The following NAALADL2 variants were observed in gnomAD, a reference collection of about 807,000 sequenced individuals.
NAALADL2 encodes N-acetylated alpha-linked acidic dipeptidase like 2, also known as inactive N-acetylated-alpha-linked acidic dipeptidase-like protein 2.
A neutral mutation model predicts 87.2 loss-of-function variants in NAALADL2; 76 were observed. The ratio of observed to expected loss-of-function variants is 0.87; its 90% CI spans 0.72 to 1.05. NAALADL2 has a LOEUF of 1.05. NAALADL2 is among the 50% of genes least tolerant of loss of function. NAALADL2 has a pLI of 0.00. For synonymous variants in NAALADL2, 354 were observed against 331.0 expected (o/e 1.07, Z -0.75); for missense variants, 1,089 against 945.8 (o/e 1.15, Z -1.99).
At chr3:175,171,841 G>A (rs1734882379) in intron 2 of NAALADL2, among the ~76,000 whole-genome samples, 1 of 152,014 alleles carries the variant, frequency 6.6e-6, no homozygotes, top group South Asian at 2.1e-4. Flanking sequence ...ACTCATATGT[G>A]GAGAGTTTAA....
intron 9 of NAALADL2, among the ~76,000 whole-genome samples, chr3:175,474,402 C>T (rs1725343843): frequency 6.6e-6 from 1 of 152,028 alleles, no homozygotes; most frequent in Admixed American, 6.6e-5. Flanking sequence ...AATGGATGTC[C>T]TAAATCAAAC....
chr3:175,757,203 C>A (rs994137677), intron 13 of NAALADL2, among the ~76,000 whole-genome samples: 4 of 151,810 alleles, frequency 2.6e-5, no homozygotes, highest in Admixed American at 1.3e-4. Flanking sequence ...TATGTATAAA[C>A]AAAGGTTATA....
chr3:175,659,909 G>A (rs1732016378), intron 11 of NAALADL2, among the ~76,000 whole-genome samples: 1 of 152,146 alleles, frequency 6.6e-6, no homozygotes, highest in Admixed American at 6.5e-5. Context: ...GCCTCAGTCT[G>A]TTCAGGCTGC....
intron 6 of NAALADL2, among the ~76,000 whole-genome samples, chr3:175,452,834 GGA>G (rs1435686096): frequency 6.6e-6 from 1 of 152,134 alleles, no homozygotes; most frequent in East Asian, 1.9e-4. Flanking sequence ...GATCTTAAAT[GGA>G]GTGAGCGTAG....
chr3:174,759,285 T>C (rs1284070703), intron 3 of NAALADL2, among the ~76,000 whole-genome samples: 2 of 152,188 alleles, frequency 1.3e-5, no homozygotes, highest in Non-Finnish European at 2.9e-5. Context: ...TGCTTTTAGA[T>C]AGGAATAAAA....
intron 11 of NAALADL2, among the ~76,000 whole-genome samples, chr3:175,670,172 A>G (rs1345048896): frequency 2.0e-5 from 3 of 151,860 alleles, no homozygotes; most frequent in African/African-American, 7.2e-5. Flanking sequence ...AAGGCAATAG[A>G]CCAGAAAGTA....
At chr3:175,075,420 G>T (rs116459834) in intron 1 of NAALADL2, among the ~76,000 whole-genome samples, 196 of 152,288 alleles carry the variant, frequency 1.3e-3, no homozygotes, top group African/African-American at 4.6e-3. Context: ...TTTACATTCA[G>T]AGGATGACTC....
At chr3:174,451,678 T>G (rs1715489651) in intron 1 of NAALADL2, among the ~76,000 whole-genome samples, 2 of 152,194 alleles carry the variant, frequency 1.3e-5, no homozygotes, top group Admixed American at 6.5e-5. Context: ...TCATGTGCCT[T>G]CTTTTCGGTT....
intron 1 of NAALADL2, among the ~76,000 whole-genome samples, chr3:175,085,810 C>T (rs572964275): frequency 5.3e-5 from 8 of 152,118 alleles, no homozygotes; most frequent in Non-Finnish European, 1.0e-4. Flanking sequence ...CCCAGCTACT[C>T]GGGAGGCTGA....
chr3:175,580,167 T>G (rs539234774), intron 10 of NAALADL2, among the ~76,000 whole-genome samples: 1 of 152,130 alleles, frequency 6.6e-6, no homozygotes, highest in African/African-American at 2.4e-5. Context: ...CTTACTAAAT[T>G]TTTTTAAAGC....
intron 4 of NAALADL2, among the ~76,000 whole-genome samples, chr3:175,317,189 T>A (rs1759261571): frequency 6.6e-6 from 1 of 152,114 alleles, no homozygotes; most frequent in Non-Finnish European, 1.5e-5. Context: ...CCAAATATAC[T>A]CAGAAGAGAC....
chr3:174,923,276 A>G (rs1414261360), intron 1 of NAALADL2, among the ~76,000 whole-genome samples: 6 of 152,216 alleles, frequency 3.9e-5, no homozygotes, highest in Non-Finnish European at 7.3e-5. Flanking sequence ...TGAAATAACT[A>G]GAACAACAAA....
At chr3:174,663,605 C>T (rs1725700523) in intron 2 of NAALADL2, among the ~76,000 whole-genome samples, 2 of 152,158 alleles carry the variant, frequency 1.3e-5, no homozygotes, top group South Asian at 4.1e-4. Flanking sequence ...AGAATTCACT[C>T]AATCCTGAGA....
chr3:175,425,270 G>T (rs147483200), intron 5 of NAALADL2, among the ~76,000 whole-genome samples: 1 of 152,124 alleles, frequency 6.6e-6, no homozygotes, highest in Non-Finnish European at 1.5e-5. Context: ...ACAAATAGAG[G>T]TATATGTGTA....
chr3:175,603,139 T>C (rs1723190732), intron 10 of NAALADL2, among the ~76,000 whole-genome samples: 1 of 152,206 alleles, frequency 6.6e-6, no homozygotes, highest in Admixed American at 6.5e-5. Flanking sequence ...GCTCATATTC[T>C]AGTTTTTTCA....
intron 2 of NAALADL2, among the ~76,000 whole-genome samples, chr3:174,675,253 G>A (rs1205178871): frequency 6.6e-6 from 1 of 152,018 alleles, no homozygotes; most frequent in Non-Finnish European, 1.5e-5. Context: ...ATTATTCCTA[G>A]TTTTGAAATG....
chr3:174,833,601 T>G (rs974305667), intron 3 of NAALADL2, among the ~76,000 whole-genome samples: 2 of 151,870 alleles, frequency 1.3e-5, no homozygotes, highest in African/African-American at 2.4e-5. Context: ...ATAAAAAACT[T>G]CCAGAAAAAA....
intron 10 of NAALADL2, among the ~76,000 whole-genome samples, chr3:175,585,568 TGTA>T (rs1720425899): frequency 6.6e-6 from 1 of 152,194 alleles, no homozygotes; most frequent in South Asian, 2.1e-4. Context: ...AATGTTTCCT[TGTA>T]GTAGTTTGTT....
At chr3:175,409,621 C>T (rs967043821) in intron 5 of NAALADL2, among the ~76,000 whole-genome samples, 11 of 147,468 alleles carry the variant, frequency 7.5e-5, no homozygotes, top group African/African-American at 2.4e-4. Context: ...ATTTTTTTTA[C>T]CAATCTCCCT....
Sources: gnomAD v4.1 joint callset for allele counts (sites outside exome capture counted in the v4.1 genomes callset) on GRCh38, gnomAD v4.1.1 for gene constraint, MANE v1.5 for transcripts, NCBI Gene and HGNC (gene_info 2026-07-23, HGNC 2026-07-21) for gene names.